RSPH14: variants seen among roughly 807,000 people sequenced by gnomAD.
The protein encoded by RSPH14 is rhabdoid tumor deletion region gene 1.
RSPH14 carries 20 observed loss-of-function variants against 26.7 expected under a neutral mutation model. That is an observed-to-expected ratio of 0.75 (90% CI 0.53 to 1.09). The LOEUF (loss-of-function observed/expected upper bound fraction) is 1.09, where lower values mean the gene tolerates loss of function less well. RSPH14 is among the 50% of genes least tolerant of loss of function. The probability of loss-of-function intolerance (pLI) is 0.00; values close to 1 mark genes in which losing one functional copy is unlikely to be tolerated. For missense variants in RSPH14, 449 were observed against 457.2 expected, an observed-to-expected ratio of 0.98 and a Z score of 0.16; for synonymous variants, 177 against 189.3, an observed-to-expected ratio of 0.93 and a Z score of 0.53.
rs140392795 is a variant in RSPH14, at chr22:23,133,295, T to A, written c.421+731A>T. 2.8e-3 allele frequency among the ~76,000 whole-genome samples: 429 copies of A among 152,232 alleles called. 1 individual carries two copies. The highest frequency in any genetic ancestry group is 5.0e-3 in the Non-Finnish European group (343 of 68,012). ...TAAACAAGCAAAAATCAGTAATACA[T>A]CCCACACGTAAATCTCAGAAATAAA... On this transcript the variant is annotated intron_variant, in intron 4 of 6. Coordinates refer to ENST00000216036, the MANE Select transcript of RSPH14 (RefSeq NM_014433.3).
At chr22:23,109,424 C>G (rs1344514129) in intron 4 of RSPH14, among the ~76,000 whole-genome samples, 2 of 152,094 alleles carry the variant, frequency 1.3e-5, no homozygotes, top group East Asian at 3.9e-4. Context: ...TTTTGGGAGT[C>G]CTGAATCTGA....
chr22:23,118,471 C>T (rs1433885924), intron 4 of RSPH14, among the ~76,000 whole-genome samples: 1 of 150,038 alleles, frequency 6.7e-6, no homozygotes, highest in African/African-American at 2.4e-5. Flanking sequence ...CCCTCTTCCC[C>T]GCCCCGCCCC....
rs1483108154 is a variant in RSPH14, at chr22:23,141,024, A to C, written c.-52-552T>G. On this transcript the variant is annotated intron_variant, in intron 1 of 6. Coordinates refer to ENST00000216036, the MANE Select transcript of RSPH14 (RefSeq NM_014433.3). Reference sequence around the variant, plus strand: ...TGCTTCTGACACATCCATGAAAAGGAATTAATGTTAAAAGGTGATTTATGG... The same window carrying C: ...TGCTTCTGACACATCCATGAAAAGGCATTAATGTTAAAAGGTGATTTATGG... Among the ~76,000 whole-genome samples, 3 of 152,158 alleles carry C rather than the reference A, an allele frequency of 2.0e-5. No individual in the cohort carries two copies. In the East Asian group the frequency reaches 5.8e-4, roughly 29 times the overall value.
At chr22:23,094,214 G>A (rs867283654) in intron 4 of RSPH14, among the ~76,000 whole-genome samples, 33 of 152,270 alleles carry the variant, frequency 2.2e-4, no homozygotes, top group African/African-American at 7.2e-4. Flanking sequence ...CATAGGTCAG[G>A]GAAGGAGCAA....
chr22:23,078,235 G>A (rs1341338334), intron 4 of RSPH14, among the ~76,000 whole-genome samples: 2 of 152,226 alleles, frequency 1.3e-5, no homozygotes, highest in African/African-American at 4.8e-5. Context: ...AATAATTAGA[G>A]TGTTGCCTCC....
At chr22:23,101,886 C>T (rs951771520) in intron 4 of RSPH14, among the ~76,000 whole-genome samples, 1 of 152,222 alleles carries the variant, frequency 6.6e-6, no homozygotes, top group Non-Finnish European at 1.5e-5. Flanking sequence ...CCTCGCATGG[C>T]AGGCATGGAA....
chr22:23,118,471 C>G (rs1433885924), intron 4 of RSPH14, among the ~76,000 whole-genome samples: 2 of 150,038 alleles, frequency 1.3e-5, no homozygotes, highest in Non-Finnish European at 3.0e-5. Context: ...CCCTCTTCCC[C>G]GCCCCGCCCC....
At chr22:23,156,080 C>G in the RSPH14 span, 5 of 1,527,942 alleles carry the variant, frequency 3.3e-6, no homozygotes, top group South Asian at 1.2e-5. Flanking sequence ...GCAGCGGGGT[C>G]CCTGCCGGGC....
the RSPH14 span, among the ~76,000 whole-genome samples, chr22:23,178,089 C>A: frequency 6.6e-6 from 1 of 152,184 alleles, no homozygotes; most frequent in Non-Finnish European, 1.5e-5. Context: ...GCATGGGCCA[C>A]TGTGCCTGCC....
At chr22:23,138,758 A>C in intron 3 of RSPH14, 82 bp downstream of exon 3, 1 of 1,131,476 alleles carries the variant, frequency 8.8e-7, no homozygotes, top group Admixed American at 2.1e-5. Flanking sequence ...ACTCCAGAGC[A>C]CTCTAAGCAG....
chr22:23,119,333 C>T lies in RSPH14; in HGVS notation c.421+14693G>A, dbSNP rs150037235. ...CCTCCTCTGCAGTTGATCTTTCAGA[C>T]CCAAATATGAGGCTCTTCTCTAGGT... On this transcript the variant is annotated intron_variant, in intron 4 of 6. Transcript: ENST00000216036. Among the ~76,000 whole-genome samples, 818 of 152,332 alleles carry T rather than the reference C, an allele frequency of 5.4e-3. 6 individuals carry two copies. The highest frequency in any genetic ancestry group is 7.8e-3 in the Admixed American group (120 of 15,308).
the RSPH14 span, among the ~76,000 whole-genome samples, chr22:23,175,245 G>A: frequency 1.3e-5 from 2 of 152,066 alleles, no homozygotes; most frequent in African/African-American, 4.8e-5. Flanking sequence ...TGATCTGCCC[G>A]CCTCGGCCTC....
At position 23,134,015 on chromosome 22, in the gene RSPH14, C is replaced by T. The variant is rs115804244; in HGVS notation, c.421+11G>A. The T allele has an allele frequency of 3.9e-4, 626 of 1,605,156 alleles. 2 individuals carry two copies. In the African/African-American group the frequency reaches 5.7e-3, roughly 15 times the overall value. ...GTGCCCGACAGATCTGTGTGCAGGA[C>T]GCAAGCCTACCTCTAGGCACCTGGA... is the stretch of plus-strand genomic sequence containing the variant. On this transcript the variant is annotated intron_variant, in intron 4 of 6. Transcript: ENST00000216036.
intron 4 of RSPH14, among the ~76,000 whole-genome samples, chr22:23,105,156 G>T (rs1297608637): frequency 6.6e-6 from 1 of 152,188 alleles, no homozygotes; most frequent in African/African-American, 2.4e-5. Flanking sequence ...GCCCAGGCCG[G>T]CCACGGCCAC....
intron 4 of RSPH14, among the ~76,000 whole-genome samples, chr22:23,081,526 A>G (rs901945307): frequency 4.0e-5 from 6 of 151,862 alleles, no homozygotes; most frequent in Admixed American, 6.5e-5. Context: ...CAATCAGGTT[A>G]TAGGCCAATA....
chr22:23,164,708 G>A, the RSPH14 span, among the ~76,000 whole-genome samples: 258 of 152,206 alleles, frequency 1.7e-3, 2 homozygotes, highest in African/African-American at 6.1e-3. Flanking sequence ...CTGCCGAAAC[G>A]CCTTTTTCCT....
intron 4 of RSPH14, among the ~76,000 whole-genome samples, chr22:23,079,072 A>G (rs988743549): frequency 6.6e-6 from 1 of 152,210 alleles, no homozygotes; most frequent in African/African-American, 2.4e-5. Flanking sequence ...GCTTGGTGCT[A>G]GGTCCATGTG....
At chr22:23,146,124 C>T (rs751132406), upstream of RSPH14, 2 of 604,502 alleles carry the variant, frequency 3.3e-6, no homozygotes, top group Non-Finnish European at 4.1e-6. Flanking sequence ...GGCCTGGTTC[C>T]CCCATACCAT....
rs541739291 is a variant in RSPH14 at position 23,071,156 on chromosome 22, C to T, written c.422-7023G>A. Among the ~76,000 whole-genome samples, 30 of 152,262 alleles carry T rather than the reference C, an allele frequency of 2.0e-4. No individual in the cohort carries two copies. In the South Asian group the frequency reaches 6.0e-3, roughly 31 times the overall value. On this transcript the variant is annotated intron_variant, in intron 4 of 6. Coordinates refer to ENST00000216036, the MANE Select transcript of RSPH14 (RefSeq NM_014433.3). The surrounding 1 kb of genome is among the most constrained non-coding windows in gnomAD (Gnocchi z 4.1). ...TTTAGAGGAAGAGATGAGTATCGAC[C>T]TGCTGCGATTGTAATACGTTCCCGG...
Sources: gnomAD v4.1 joint callset for allele counts (sites outside exome capture counted in the v4.1 genomes callset) on GRCh38, gnomAD v4.1.1 for gene constraint, Gnocchi (gnomAD v3.1) non-coding constraint, MANE v1.5 for transcripts, NCBI Gene and HGNC (gene_info 2026-07-23, HGNC 2026-07-21) for gene names.